TDRD1: variants seen among roughly 807,000 people sequenced by gnomAD.
The protein encoded by TDRD1 is tudor domain-containing protein 1.
In TDRD1, 37 loss-of-function variants were observed where a neutral mutation model predicts 140.6. The ratio of observed to expected loss-of-function variants is 0.26; its 90% confidence interval spans 0.20 to 0.35. The LOEUF (loss-of-function observed/expected upper bound fraction) is 0.35, where lower values mean the gene tolerates loss of function less well. Among genes scored for constraint, TDRD1 ranks in the 10% least tolerant of loss-of-function variants. TDRD1 has a pLI of 1.00. For missense variants in TDRD1, 1,243 were observed against 1,393.0 expected (o/e 0.89, Z 1.71); for synonymous variants, 506 against 475.7 (o/e 1.06, Z -0.83).
intron 2 of TDRD1, among the ~76,000 whole-genome samples, chr10:114,190,227 GA>G (rs949897354): frequency 4.6e-5 from 7 of 151,638 alleles, no homozygotes; most frequent in Admixed American, 3.9e-4. Flanking sequence ...ATTTTGTTTT[GA>G]AAAATATAGT....
At chr10:114,221,050 CACTT>C (rs767459604) in intron 19 of TDRD1, among the ~76,000 whole-genome samples, 1 of 152,082 alleles carries the variant, frequency 6.6e-6, no homozygotes, top group Non-Finnish European at 1.5e-5. Flanking sequence ...AGAGATATCT[CACTT>C]AGAAGCTTGA....
intron 13 of TDRD1, among the ~76,000 whole-genome samples, chr10:114,211,403 G>A (rs2035475078): frequency 6.6e-6 from 1 of 152,216 alleles, no homozygotes; most frequent in Non-Finnish European, 1.5e-5. Context: ...GCGATAACCA[G>A]GTTCTGTTAC....
At chr10:114,210,262 T>A (rs984518974) in intron 11 of TDRD1, among the ~76,000 whole-genome samples, 2 of 152,232 alleles carry the variant, frequency 1.3e-5, no homozygotes, top group African/African-American at 4.8e-5. Flanking sequence ...TGAGACGATA[T>A]CTATTCCAAA....
intron 18 of TDRD1, 78 bp from the exon 19 acceptor site, chr10:114,220,490 G>T: frequency 1.0e-6 from 1 of 978,038 alleles, no homozygotes; most frequent in South Asian, 1.5e-5. Context: ...ACTTGGCAAA[G>T]ACCTGGTGCT....
intron 25 of TDRD1, chr10:114,228,828 A>G: frequency 1.0e-6 from 1 of 976,440 alleles, no homozygotes; most frequent in Non-Finnish European, 1.2e-6. Flanking sequence ...TCACGCCTGT[A>G]ATCCCAGCAC....
intron 15 of TDRD1, 26 bp downstream of exon 15, chr10:114,213,614 G>A (rs2035625673): frequency 6.2e-7 from 1 of 1,604,184 alleles, no homozygotes; most frequent in Non-Finnish European, 8.5e-7. Context: ...ACTGGATAAT[G>A]CCTGTTCTGG....
intron 7 of TDRD1, 32 bp downstream of exon 7, chr10:114,203,208 A>G (rs145232496): frequency 3.9e-6 from 6 of 1,547,584 alleles, no homozygotes; most frequent in Non-Finnish European, 5.3e-6. Flanking sequence ...CCATAGACAC[A>G]GATCCAGAGA....
exon 1 of TDRD1, chr10:114,179,321 G>A: frequency 6.5e-6 from 1 of 152,780 alleles, no homozygotes; most frequent in Non-Finnish European, 1.5e-5. Flanking sequence ...AGTGCAGGGC[G>A]CATCCCAGGC....
chr10:114,210,978 AG>A lies in TDRD1; in HGVS notation c.1660+12del. Reference sequence around the variant, plus strand: ...GTGCTCAGTTCTCAGGTAAGGACAGAGTATTACTGATTTTTAAAATTTATTT... The same window carrying A: ...GTGCTCAGTTCTCAGGTAAGGACAGATATTACTGATTTTTAAAATTTATTT... On this transcript the variant is annotated intron_variant, in intron 13 of 25. Transcript: ENST00000251864. 3 of 1,563,558 alleles carry A rather than the reference AG, an allele frequency of 1.9e-6. No homozygotes were observed. Among genetic ancestry groups the A allele is most frequent in the Non-Finnish European group, 2.6e-6 (3 of 1,154,300 alleles).
In TDRD1 at chr10:114,187,934, C is replaced by G. The variant is rs762400084; in HGVS notation, c.103C>G (p.Leu35Val). The G allele has an allele frequency of 3.1e-6, 5 of 1,613,868 alleles. No homozygotes were observed. In the Admixed American group the frequency reaches 6.7e-5, roughly 22 times the overall value. Residue 35 changes from leucine to valine, a missense_variant, in exon 2 of 26, where the codon CTT becomes GTT. Physicochemically the swap from Leu to Val is conservative, Grantham distance 32 (BLOSUM62 1). Around this residue, in one of 5 missense-constraint regions of TDRD1, gnomAD observed 237 missense variants for 215.5 expected, o/e 1.10. Coordinates refer to ENST00000251864, the Ensembl canonical transcript of TDRD1. ...TAATTTTGAGAAAAATGAAAACAAG[C>G]TTCCACCACATGAGTCTTTAAGAAG...
Position 114,212,042 on chromosome 10 carries a change from A to T in TDRD1, c.1831+6A>T, listed in dbSNP as rs532685673. On this transcript the variant is annotated splice_donor_region_variant and intron_variant, in intron 14 of 25. Coordinates refer to ENST00000251864, the Ensembl canonical transcript of TDRD1. ...TATAAAGTGTGTACTAGCAGGTATG[A>T]AATTTTTATAGCCTCCATATTCTTT... The T allele has an allele frequency of 6.3e-7, 1 of 1,592,272 alleles. No homozygotes were observed. The highest frequency in any genetic ancestry group is 1.2e-5 in the South Asian group (1 of 85,568).
At chr10:114,210,992 T>G in intron 13 of TDRD1, 25 bp downstream of exon 13, 2 of 1,535,798 alleles carry the variant, frequency 1.3e-6, no homozygotes, top group Non-Finnish European at 1.8e-6. Flanking sequence ...TTACTGATTT[T>G]TAAAATTTAT....
chr10:114,228,304 GT>G, intron 25 of TDRD1: 14 of 1,376,328 alleles, frequency 1.0e-5, no homozygotes, highest in Non-Finnish European at 1.2e-5. Context: ...TTATCTGATC[GT>G]TTTCCTTTGC....
chr10:114,190,864 C>T, intron 2 of TDRD1, 97 bp from the exon 3 acceptor site: 1 of 1,153,596 alleles, frequency 8.7e-7, no homozygotes, highest in Admixed American at 1.7e-5. Flanking sequence ...GTGGTATAGC[C>T]CTGTTACTTG....
intron 1 of TDRD1, among the ~76,000 whole-genome samples, chr10:114,180,389 A>G (rs2119886462): frequency 6.6e-6 from 1 of 152,326 alleles, no homozygotes; most frequent in East Asian, 1.9e-4. Context: ...CTAAATGAGG[A>G]AGACGAGACT....
At chr10:114,211,461 T>A (rs1321339340) in intron 13 of TDRD1, among the ~76,000 whole-genome samples, 1 of 152,220 alleles carries the variant, frequency 6.6e-6, no homozygotes. Context: ...GGAGACGCAG[T>A]AATCCTTCAG....
rs1022279399 is a variant in TDRD1, at chr10:114,206,147, C to T, written c.1298-97C>T. On this transcript the variant is annotated intron_variant, in intron 10 of 25. Transcript: ENST00000251864. ...ATACCAACCTATTAATAGCTATGAA[C>T]GTGTGTTGTATGATTGACTTGTTTC... The T allele has an allele frequency of 4.7e-5, 41 of 871,054 alleles. No homozygotes were observed. The Admixed American group carries it at 7.4e-4, about 16-fold the overall frequency. 54.0% of individuals were successfully genotyped at this position (871,054 alleles called of 1,614,324 possible).
chr10:114,230,967 T>C (rs2036719755), intron 25 of TDRD1, among the ~76,000 whole-genome samples: 1 of 152,128 alleles, frequency 6.6e-6, no homozygotes, highest in Non-Finnish European at 1.5e-5. Context: ...CTGGGGAGGC[T>C]GAGGCAGGAG....
At chr10:114,210,935 C>T in exon 13 of TDRD1, 1 of 1,614,040 alleles carries the variant, frequency 6.2e-7, no homozygotes, top group Non-Finnish European at 8.5e-7. Context: ...TTTTATCCAG[C>T]CATTGGTGAT....
Sources: gnomAD v4.1 joint callset for allele counts (sites outside exome capture counted in the v4.1 genomes callset) on GRCh38, gnomAD v4.1.1 for gene constraint, gnomAD v4.1.1 regional missense constraint, MANE v1.5 for transcripts, NCBI Gene and HGNC (gene_info 2026-07-23, HGNC 2026-07-21) for gene names.